ABTB2: variants seen among roughly 807,000 people sequenced by gnomAD.
ABTB2 encodes the protein ankyrin repeat and BTB/POZ domain-containing protein 2.
In ABTB2, 56 loss-of-function variants were observed where a neutral mutation model predicts 104.1. The ratio of observed to expected loss-of-function variants is 0.54; its 90% CI spans 0.43 to 0.67. The LOEUF is 0.67. ABTB2 is among the 30% of genes least tolerant of loss of function. The pLI, the probability that ABTB2 is intolerant of heterozygous loss-of-function variation, is 0.00. For missense variants in ABTB2, 1,279 were observed against 1,407.7 expected, an observed-to-expected ratio of 0.91 and a Z score of 1.46; for synonymous variants, 606 against 608.2, an observed-to-expected ratio of 1.00 and a Z score of 0.05.
intron 3 of ABTB2, among the ~76,000 whole-genome samples, chr11:34,190,511 T>C (rs941025537): frequency 2.0e-5 from 3 of 152,162 alleles, no homozygotes; most frequent in African/African-American, 7.2e-5. Context: ...AGCCACTCTT[T>C]ATCATTCTCC....
chr11:34,231,255 A>G (rs1168082422), intron 1 of ABTB2, among the ~76,000 whole-genome samples: 3 of 152,232 alleles, frequency 2.0e-5, no homozygotes, highest in Non-Finnish European at 4.4e-5. Context: ...ATAATGACCC[A>G]AAGTATAAAA....
chr11:34,220,247 A>G (rs577992389), intron 1 of ABTB2, among the ~76,000 whole-genome samples: 13 of 152,058 alleles, frequency 8.5e-5, no homozygotes, highest in African/African-American at 2.9e-4. Context: ...AACCGGGCTG[A>G]CCTCTCAGTG....
At chr11:34,232,846 G>T (rs1853789945) in intron 1 of ABTB2, among the ~76,000 whole-genome samples, 1 of 151,962 alleles carries the variant, frequency 6.6e-6, no homozygotes, top group African/African-American at 2.4e-5. Flanking sequence ...AATGGTCCCA[G>T]CTTCTTGGGA....
At position 34,173,234 on chromosome 11, in the gene ABTB2, GGCT is replaced by G. The variant is rs1852910520; in HGVS notation, c.1315_1317del (p.Ser439del). The G allele has an allele frequency of 6.2e-7, 1 of 1,612,938 alleles. No individual in the cohort carries two copies. Among genetic ancestry groups the G allele is most frequent in the African/African-American group, 1.3e-5 (1 of 74,910 alleles). ...CGGATGTCGCCGCTGTCCACGGTGA[GGCT>G]GCGGCGGTGCTCTGCGTAGGTGATG... On this transcript the variant is annotated inframe_deletion, in exon 4 of 17. Transcript: ENST00000435224.
At chr11:34,178,621 C>T (rs932959659) in intron 3 of ABTB2, among the ~76,000 whole-genome samples, 5 of 152,168 alleles carry the variant, frequency 3.3e-5, no homozygotes, top group African/African-American at 1.2e-4. Flanking sequence ...GTTCCGTGCC[C>T]GAATGCAGAT....
chr11:34,242,776 A>T (rs1853935019), intron 1 of ABTB2, among the ~76,000 whole-genome samples: 1 of 152,130 alleles, frequency 6.6e-6, no homozygotes, highest in Non-Finnish European at 1.5e-5. Flanking sequence ...GCATCAAGCT[A>T]AGTGGCTCAT....
chr11:34,195,071 C>CCGG (rs1230334083), intron 3 of ABTB2, among the ~76,000 whole-genome samples: 2 of 20,996 alleles, frequency 9.5e-5, no homozygotes, highest in Non-Finnish European at 3.5e-4. Flanking sequence ...ACAAAGATGC[C>CCGG]CGGCGGGGGG....
chr11:34,250,894 A>G (rs779709695), intron 1 of ABTB2, among the ~76,000 whole-genome samples: 3 of 152,222 alleles, frequency 2.0e-5, no homozygotes, highest in Non-Finnish European at 4.4e-5. Context: ...GCCATTTTAC[A>G]TATGAGAAAA....
At chr11:34,309,881 A>T (rs1001653043) in intron 1 of ABTB2, among the ~76,000 whole-genome samples, 2 of 151,836 alleles carry the variant, frequency 1.3e-5, no homozygotes, top group Non-Finnish European at 2.9e-5. Flanking sequence ...AGCTTTAACA[A>T]ATTTTTCTCA....
intron 1 of ABTB2, among the ~76,000 whole-genome samples, chr11:34,312,231 A>T (rs560633690): frequency 4.5e-4 from 68 of 152,328 alleles, no homozygotes; most frequent in Middle Eastern, 3.4e-3. Context: ...TCAACCTGAC[A>T]CAGCATCTCC....
At chr11:34,153,237 C>T (rs897310221) in intron 16 of ABTB2, among the ~76,000 whole-genome samples, 2 of 152,106 alleles carry the variant, frequency 1.3e-5, no homozygotes, top group Non-Finnish European at 2.9e-5. Flanking sequence ...GGAAGCATGG[C>T]AGAGTGAGGG....
intron 1 of ABTB2, among the ~76,000 whole-genome samples, chr11:34,223,662 A>G (rs1187042705): frequency 3.9e-5 from 6 of 152,180 alleles, no homozygotes; most frequent in African/African-American, 1.4e-4. Context: ...ATTGGAGCAC[A>G]GAGGAAAGCA....
At chr11:34,187,872 G>A (rs1414373348) in intron 3 of ABTB2, among the ~76,000 whole-genome samples, 1 of 152,204 alleles carries the variant, frequency 6.6e-6, no homozygotes, top group Non-Finnish European at 1.5e-5. Flanking sequence ...AGGGATGGAT[G>A]AGAAGGAGAG....
At chr11:34,270,341 T>C (rs1370840978) in intron 1 of ABTB2, among the ~76,000 whole-genome samples, 4 of 112,988 alleles carry the variant, frequency 3.5e-5, no homozygotes, top group African/African-American at 1.2e-4. Flanking sequence ...ACGGTTTTCC[T>C]TTTTTTTTTT....
chr11:34,170,803 C>T (rs1852862366), intron 5 of ABTB2, 103 bp downstream of exon 5: 3 of 1,435,564 alleles, frequency 2.1e-6, no homozygotes, highest in South Asian at 1.4e-5. Context: ...AAGTACAGAG[C>T]TGAGCAAATC....
chr11:34,253,066 C>T (rs1854073790), intron 1 of ABTB2, among the ~76,000 whole-genome samples: 1 of 152,218 alleles, frequency 6.6e-6, no homozygotes, highest in Non-Finnish European at 1.5e-5. Context: ...CCTCAATGCT[C>T]CTCCCAGAGG....
In ABTB2 at chr11:34,356,002, G is replaced by T. The variant is rs767642500; in HGVS notation, c.883+699C>A. Among the ~76,000 whole-genome samples the T allele has an allele frequency of 3.3e-5, 5 of 152,176 alleles. No individual in the cohort carries two copies. The highest frequency in any genetic ancestry group is 7.3e-5 in the Non-Finnish European group (5 of 68,044). ...CAAGGTTTTAACCAATGGCTCACTT[G>T]GTTGGTGACAGCTTGGAAAAATCAG... is the stretch of plus-strand genomic sequence containing the variant. On this transcript the variant is annotated intron_variant, in intron 1 of 16. Transcript: ENST00000435224. The surrounding 1 kb of genome is among the most constrained non-coding windows in gnomAD (Gnocchi z 4.6).
At chr11:34,284,838 C>A (rs1015095321) in intron 1 of ABTB2, among the ~76,000 whole-genome samples, 8 of 152,238 alleles carry the variant, frequency 5.3e-5, no homozygotes, top group Admixed American at 3.9e-4. Context: ...CCTGCACACA[C>A]CCCACCTGAT....
At chr11:34,183,215 C>T (rs1853050782) in intron 3 of ABTB2, among the ~76,000 whole-genome samples, 1 of 152,136 alleles carries the variant, frequency 6.6e-6, no homozygotes, top group East Asian at 1.9e-4. Flanking sequence ...ATTCTCCTGC[C>T]TCATCCTCCC....
Sources: allele counts gnomAD v4.1 joint callset (sites outside exome capture counted in the v4.1 genomes callset), GRCh38; gene constraint gnomAD v4.1.1; non-coding constraint Gnocchi (gnomAD v3.1); transcripts MANE v1.5; gene names NCBI Gene and HGNC (gene_info 2026-07-23, HGNC 2026-07-21).